The following TMOD1 variants were observed in gnomAD, a reference collection of about 807,000 sequenced individuals.
TMOD1 encodes tropomodulin 1, also known as tropomodulin-1.
A neutral mutation model predicts 40.6 loss-of-function variants in TMOD1; 17 were observed. The observed-to-expected ratio is 0.42, with a 90% CI of 0.29 to 0.63. The LOEUF is 0.63. Ranked by LOEUF, TMOD1 falls within the 20% of genes least tolerant of loss-of-function variation. The pLI, the probability that TMOD1 is intolerant of heterozygous loss-of-function variation, is 0.22. For synonymous variants in TMOD1, 181 were observed against 175.0 expected (o/e 1.03, Z -0.27); for missense variants, 391 against 447.6 (o/e 0.87, Z 1.14).
chr9:97,590,373 G>T (rs192746845), intron 8 of TMOD1, among the ~76,000 whole-genome samples: 1 of 151,792 alleles, frequency 6.6e-6, no homozygotes, highest in Non-Finnish European at 1.5e-5. Flanking sequence ...ACAGGTGCCC[G>T]CCATCACACC....
At chr9:97,586,711 G>A (rs1322048617) in intron 8 of TMOD1, among the ~76,000 whole-genome samples, 5 of 152,158 alleles carry the variant, frequency 3.3e-5, no homozygotes, top group African/African-American at 1.2e-4. Flanking sequence ...CTCGTGGTGC[G>A]CCATTTTTTA....
intron 5 of TMOD1, 79 bp from the exon 6 acceptor site, chr9:97,563,959 C>A: frequency 6.4e-7 from 1 of 1,553,792 alleles, no homozygotes. Context: ...GCACATGCTC[C>A]CTTCCACAGT....
intron 2 of TMOD1, among the ~76,000 whole-genome samples, chr9:97,541,957 G>A (rs1481102814): frequency 2.0e-5 from 3 of 152,038 alleles, no homozygotes; most frequent in Non-Finnish European, 2.9e-5. Context: ...AGTGTCCTTC[G>A]CAGCACAAAT....
rs571594398 is a variant in TMOD1, at chr9:97,539,617, A to T, written c.121-6568A>T. 3.9e-5 allele frequency among the ~76,000 whole-genome samples: 6 copies of T among 152,038 alleles called. No homozygotes were observed. In the East Asian group the frequency reaches 9.6e-4, roughly 24 times the overall value. On this transcript the variant is annotated intron_variant, in intron 2 of 9. Transcript: ENST00000259365. ...TCCCATAGATGAACATATGCCATTT[A>T]AAAAAAACAGCTTTTTTGAGATACC...
At chr9:97,599,020 C>G (rs1370492038) in intron 9 of TMOD1, among the ~76,000 whole-genome samples, 1 of 152,208 alleles carries the variant, frequency 6.6e-6, no homozygotes, top group Non-Finnish European at 1.5e-5. Flanking sequence ...GCATCCTCAT[C>G]ATCCTTTAAG....
chr9:97,519,215 C>T (rs762427841), intron 1 of TMOD1, among the ~76,000 whole-genome samples: 11 of 152,184 alleles, frequency 7.2e-5, no homozygotes, highest in Non-Finnish European at 1.2e-4. Flanking sequence ...CTTCTCAGAG[C>T]TTTCATTTCT....
chr9:97,599,677 C>T lies in TMOD1; in HGVS notation c.1059C>T (p.Pro353=). Residue 353 remains proline (P), a synonymous_variant, in exon 10 of 10, where the codon CCC becomes CCT. Coordinates refer to ENST00000259365, the MANE Select transcript of TMOD1 (RefSeq NM_003275.4). ...CGGACCTGACTGGGCCCATCATTCCCAAGTGCCGGAGTGGTGTCTAGTGTG... is the reference window on the plus strand; with the variant it reads ...CGGACCTGACTGGGCCCATCATTCCTAAGTGCCGGAGTGGTGTCTAGTGTG... The part of the protein sequence containing the change: ...RLADLTGPII[P]KCRSGV The T allele has an allele frequency of 6.2e-7, 1 of 1,614,154 alleles. No homozygotes were observed. The highest frequency in any genetic ancestry group is 8.5e-7 in the Non-Finnish European group (1 of 1,180,016).
At chr9:97,581,649 A>G (rs1587957698) in intron 8 of TMOD1, among the ~76,000 whole-genome samples, 2 of 151,130 alleles carry the variant, frequency 1.3e-5, no homozygotes, top group Non-Finnish European at 2.9e-5. Flanking sequence ...CATCCTCTCC[A>G]GCACCTGTTG....
intron 7 of TMOD1, among the ~76,000 whole-genome samples, chr9:97,566,313 C>T (rs1441302274): frequency 6.6e-6 from 1 of 152,218 alleles, no homozygotes; most frequent in African/African-American, 2.4e-5. Flanking sequence ...TAAATCTTCA[C>T]TCGGCACATC....
intron 2 of TMOD1, among the ~76,000 whole-genome samples, chr9:97,528,168 A>G (rs1037576560): frequency 1.3e-5 from 2 of 152,204 alleles, no homozygotes; most frequent in Non-Finnish European, 2.9e-5. Context: ...CGCCCAGGTG[A>G]TTAGCAGGGA....
At chr9:97,509,775 A>C (rs1829665964) in intron 1 of TMOD1, among the ~76,000 whole-genome samples, 1 of 152,222 alleles carries the variant, frequency 6.6e-6, no homozygotes, top group Non-Finnish European at 1.5e-5. Context: ...TGGTCTCCCC[A>C]CATCTTGTCA....
intron 4 of TMOD1, among the ~76,000 whole-genome samples, chr9:97,553,679 G>T (rs1041983482): frequency 6.6e-6 from 1 of 152,130 alleles, no homozygotes; most frequent in Non-Finnish European, 1.5e-5. Flanking sequence ...GCCCACAGAC[G>T]CCCTTTCCCA....
chr9:97,555,671 G>C, intron 4 of TMOD1: 1 of 1,551,222 alleles, frequency 6.4e-7, no homozygotes. Context: ...GGGAAGGAGG[G>C]ACTGAACACT....
rs780076026 is a variant in TMOD1, at chr9:97,553,364, G to A, written c.361G>A (p.Ala121Thr). The A allele has an allele frequency of 6.2e-7, 1 of 1,614,188 alleles. No individual in the cohort carries two copies. The highest frequency in any genetic ancestry group is 1.7e-5 in the Admixed American group (1 of 60,026). Residue 121 changes from alanine (A) to threonine (T), a missense_variant, in exon 4 of 10, where the codon GCA becomes ACA. Transcript: ENST00000259365. ...TLEPELEEAL[A>T]NASDAELCDI... ...GGAACCGGAGCTGGAGGAAGCCTTG[G>A]CAAATGCTTCAGATGCAGAACTCTG...
At chr9:97,551,377 T>C (rs1026564671) in intron 3 of TMOD1, among the ~76,000 whole-genome samples, 2 of 152,174 alleles carry the variant, frequency 1.3e-5, no homozygotes, top group African/African-American at 4.8e-5. Context: ...AGTTCAACTT[T>C]ACATATGGTG....
rs141348928 is a variant in TMOD1, at chr9:97,533,597, T to C, written c.120+9289T>C. On this transcript the variant is annotated intron_variant, in intron 2 of 9. Transcript: ENST00000259365. ...CAGTGTCTGTTCAGTTGAATGAAAG[T>C]GAATGATCATACCCAGTGATGGTAA... Among the ~76,000 whole-genome samples the C allele has an allele frequency of 2.0e-4, 31 of 152,312 alleles. 1 individual carries two copies. In the East Asian group the frequency reaches 4.1e-3, roughly 20 times the overall value.
intron 2 of TMOD1, among the ~76,000 whole-genome samples, chr9:97,538,580 G>C (rs970507428): frequency 6.6e-6 from 1 of 152,174 alleles, no homozygotes; most frequent in African/African-American, 2.4e-5. Flanking sequence ...CCATGAAAGT[G>C]TACCTTTAAA....
chr9:97,575,521 G>T (rs963449467), intron 8 of TMOD1, among the ~76,000 whole-genome samples: 18 of 152,228 alleles, frequency 1.2e-4, no homozygotes, highest in Non-Finnish European at 1.5e-5. Flanking sequence ...CATCCTGGGG[G>T]TGTGTAAACA....
At chr9:97,587,677 C>T (rs1010022250) in intron 8 of TMOD1, among the ~76,000 whole-genome samples, 16 of 152,086 alleles carry the variant, frequency 1.1e-4, no homozygotes, top group Non-Finnish European at 2.9e-5. Flanking sequence ...GCTCTGCAAC[C>T]ATCACCACTA....
Sources: allele counts gnomAD v4.1 joint callset (sites outside exome capture counted in the v4.1 genomes callset), GRCh38; gene constraint gnomAD v4.1.1; transcripts MANE v1.5; gene names NCBI Gene and HGNC (gene_info 2026-07-23, HGNC 2026-07-21).